PIEZO2: variants seen among roughly 807,000 people sequenced by gnomAD.
PIEZO2 encodes piezo type mechanosensitive ion channel component 2.
In PIEZO2, 172 loss-of-function variants were observed where a neutral mutation model predicts 337.3. That is an observed-to-expected ratio of 0.51 (90% CI 0.45 to 0.58). The LOEUF (loss-of-function observed/expected upper bound fraction) is 0.58, where lower values mean the gene tolerates loss of function less well. Among genes scored for constraint, PIEZO2 ranks in the 20% least tolerant of loss-of-function variants. PIEZO2 has a pLI of 0.00. For missense variants in PIEZO2, 3,028 were observed against 3,391.3 expected, an observed-to-expected ratio of 0.89 and a Z score of 2.66; for synonymous variants, 1,251 against 1,228.5, an observed-to-expected ratio of 1.02 and a Z score of -0.38.
chr18:10,735,600 A>T (rs919969256), intron 34 of PIEZO2, among the ~76,000 whole-genome samples: 16 of 152,200 alleles, frequency 1.1e-4, no homozygotes, highest in Non-Finnish European at 1.5e-5. Flanking sequence ...AACTCTTTCG[A>T]ATAAAAATAA....
In PIEZO2 at chr18:10,770,179, G is replaced by A. The variant is rs2038539750; in HGVS notation, c.2915C>T (p.Ser972Phe). The A allele has an allele frequency of 1.3e-6, 2 of 1,537,160 alleles. No homozygotes were observed. Among genetic ancestry groups the A allele is most frequent in the South Asian group, 1.2e-5 (1 of 84,038 alleles). ...ILELHIIKIV[S>F]SYIIWVSVKE... is the part of the protein sequence containing the mutation. ...CACAGAAACCCAGATAATGTAAGAG[G>A]AAACGATTTTGATGATGTGCAACTC... Residue 972 changes from serine to phenylalanine, a missense_variant, in exon 21 of 56, where the codon TCC (serine) becomes TTC (phenylalanine). This residue lies in a region of PIEZO2 where 1,925 missense variants were observed against 2,051.9 expected (regional missense o/e 0.94). Transcript: ENST00000674853.
Position 11,092,532 on chromosome 18 carries a change from C to T in PIEZO2, c.65-26310G>A, listed in dbSNP as rs2039125147. On this transcript the variant is annotated intron_variant, in intron 1 of 55. Transcript: ENST00000674853. This position sits in a 1 kb window ranked among gnomAD's most constrained non-coding sequence, Gnocchi z 4.5. ...TTTAGTCTATATTTTCTAGAATTAG[C>T]ATAAATACTTTTGAAACCAGGAAAA... 6.6e-6 allele frequency among the ~76,000 whole-genome samples: 1 copy of T among 152,156 alleles called. No homozygotes were observed. Among genetic ancestry groups the T allele is most frequent in the Admixed American group, 6.5e-5 (1 of 15,272 alleles).
chr18:10,902,227 T>C (rs541577276), intron 4 of PIEZO2, among the ~76,000 whole-genome samples: 1 of 152,336 alleles, frequency 6.6e-6, no homozygotes, highest in East Asian at 1.9e-4. Context: ...GGAAAAATTG[T>C]CTTCCACAAA....
intron 2 of PIEZO2, among the ~76,000 whole-genome samples, chr18:11,059,238 C>A (rs1177566593): frequency 2.0e-5 from 3 of 151,410 alleles, no homozygotes; most frequent in Non-Finnish European, 4.4e-5. Context: ...GCCTACCCTA[C>A]AAGAGCTCCT....
chr18:10,920,198 T>C (rs1328046514), intron 3 of PIEZO2, among the ~76,000 whole-genome samples: 1 of 152,064 alleles, frequency 6.6e-6, no homozygotes. Context: ...CACCCCACCT[T>C]CCCCTGACTT....
rs1370250476 is a variant in PIEZO2, at chr18:10,888,727, C to T, written c.330-17312G>A. Among the ~76,000 whole-genome samples, 1 of 152,078 alleles carries T rather than the reference C, an allele frequency of 6.6e-6. No individual in the cohort carries two copies. The highest frequency in any genetic ancestry group is 1.5e-5 in the Non-Finnish European group (1 of 68,036). ...TTTGCTCTGATAGTGACAAACATGGCTCCCATTATCCTTAATATATTTAGT... is the reference window on the plus strand; with the variant it reads ...TTTGCTCTGATAGTGACAAACATGGTTCCCATTATCCTTAATATATTTAGT... On this transcript the variant is annotated intron_variant, in intron 4 of 55. Transcript: ENST00000674853. The surrounding 1 kb of genome is among the most constrained non-coding windows in gnomAD (Gnocchi z 4.1).
At position 10,705,485 on chromosome 18, in the gene PIEZO2, G is replaced by A. The variant is rs773508178; in HGVS notation, c.5850C>T (p.Phe1950=). 39 of 1,537,162 alleles carry A rather than the reference G, an allele frequency of 2.5e-5. No homozygotes were observed. The highest frequency in any genetic ancestry group is 2.3e-4 in the South Asian group (19 of 84,068). Residue 1950 remains phenylalanine, a synonymous_variant, in exon 41 of 56, where the codon TTC becomes TTT. Coordinates refer to ENST00000674853, the MANE Select transcript of PIEZO2 (RefSeq NM_001378183.1). ...APPSYSKAVS[F]EHLSFGSQDD... is the part of the protein sequence containing the mutation. ...CCTGCGAGCCGAAGGACAGATGCTC[G>A]AAGCTCACAGCCTTGCTGTAGGAGG...
At chr18:10,976,872 T>C (rs1026078993) in intron 3 of PIEZO2, among the ~76,000 whole-genome samples, 3 of 152,154 alleles carry the variant, frequency 2.0e-5, no homozygotes, top group Non-Finnish European at 2.9e-5. Context: ...ACACTTGAGA[T>C]GACTACCTCC....
In PIEZO2 at chr18:10,748,458, T is replaced by C. The variant is rs895306196; in HGVS notation, c.4424+13A>G. 1.3e-6 allele frequency: 2 copies of C among 1,536,392 alleles called. No homozygotes were observed. The highest frequency in any genetic ancestry group is 2.4e-5 in the South Asian group (2 of 83,862). On this transcript the variant is annotated intron_variant, in intron 30 of 55. Transcript: ENST00000674853. This position sits in a 1 kb window ranked among gnomAD's most constrained non-coding sequence, Gnocchi z 5.1. Reference sequence around the variant, plus strand: ...TCCTGGGAGAAACCACCTGATTTCATGGCCTGACCCACCTTGATGCCAGAA... The same window carrying C: ...TCCTGGGAGAAACCACCTGATTTCACGGCCTGACCCACCTTGATGCCAGAA...
At chr18:10,687,460 C>T (rs2034596932) in intron 49 of PIEZO2, among the ~76,000 whole-genome samples, 1 of 150,860 alleles carries the variant, frequency 6.6e-6, no homozygotes, top group African/African-American at 2.4e-5. Flanking sequence ...TACTCTCATG[C>T]TTAGTAGAGT....
At position 10,833,298 on chromosome 18, in the gene PIEZO2, T is replaced by A. The variant is rs147612634; in HGVS notation, c.917+22055A>T. ...GAGATGAAACACAGTTCTGACGCACTGGGATTCACTTATTTTTCCTGTGTT... is the reference window on the plus strand; with the variant it reads ...GAGATGAAACACAGTTCTGACGCACAGGGATTCACTTATTTTTCCTGTGTT... On this transcript the variant is annotated intron_variant, in intron 7 of 55. Transcript: ENST00000674853. This position sits in a 1 kb window ranked among gnomAD's most constrained non-coding sequence, Gnocchi z 4.7. 1.3e-5 allele frequency among the ~76,000 whole-genome samples: 2 copies of A among 152,130 alleles called. No individual in the cohort carries two copies. The highest frequency in any genetic ancestry group is 4.8e-5 in the African/African-American group (2 of 41,426).
intron 4 of PIEZO2, among the ~76,000 whole-genome samples, chr18:10,875,710 A>G (rs2042252165): frequency 6.6e-6 from 1 of 152,250 alleles, no homozygotes; most frequent in Non-Finnish European, 1.5e-5. Context: ...CAACAGACAG[A>G]GCAGGAAAGC....
At chr18:10,797,835 G>A (rs1366659025) in intron 11 of PIEZO2, among the ~76,000 whole-genome samples, 1 of 152,184 alleles carries the variant, frequency 6.6e-6, no homozygotes. Context: ...CCCTCTCCTC[G>A]AGTGTGGGTG....
rs2040259777 is a variant in PIEZO2 at position 11,128,866 on chromosome 18, G to T, written c.64+19659C>A. Among the ~76,000 whole-genome samples, 1 of 152,128 alleles carries T rather than the reference G, an allele frequency of 6.6e-6. No individual in the cohort carries two copies. Among genetic ancestry groups the T allele is most frequent in the Non-Finnish European group, 1.5e-5 (1 of 68,032 alleles). ...CAATCTGGAGAACAGGCCTGGGAATGGATATTAAGGGTATGGGATAATAGT... is the reference window on the plus strand; with the variant it reads ...CAATCTGGAGAACAGGCCTGGGAATTGATATTAAGGGTATGGGATAATAGT... On this transcript the variant is annotated intron_variant, in intron 1 of 55. Coordinates refer to ENST00000674853, the MANE Select transcript of PIEZO2 (RefSeq NM_001378183.1). This position sits in a 1 kb window ranked among gnomAD's most constrained non-coding sequence, Gnocchi z 4.1.
intron 2 of PIEZO2, among the ~76,000 whole-genome samples, chr18:11,039,122 G>A (rs2037023741): frequency 6.6e-6 from 1 of 152,160 alleles, no homozygotes; most frequent in East Asian, 1.9e-4. Flanking sequence ...GGAAAGAACA[G>A]AACGAATACA....
intron 20 of PIEZO2, among the ~76,000 whole-genome samples, chr18:10,772,580 G>A (rs2038643397): frequency 6.6e-6 from 1 of 152,142 alleles, no homozygotes; most frequent in Non-Finnish European, 1.5e-5. Context: ...CCTTTGGAAG[G>A]GGTCTTCTTG....
intron 4 of PIEZO2, among the ~76,000 whole-genome samples, chr18:10,904,871 A>T (rs1041842801): frequency 6.6e-6 from 1 of 152,218 alleles, no homozygotes; most frequent in African/African-American, 2.4e-5. Context: ...ATAAATCCTA[A>T]AGCAAAGTGT....
chr18:11,085,534 A>G (rs1284831551), intron 1 of PIEZO2, among the ~76,000 whole-genome samples: 2 of 152,260 alleles, frequency 1.3e-5, no homozygotes, highest in East Asian at 3.9e-4. Context: ...CCCTTGCTAC[A>G]TCCAACCCCT....
At position 10,962,817 on chromosome 18, in the gene PIEZO2, G is replaced by T. The variant is rs926438416; in HGVS notation, c.286+16718C>A. On this transcript the variant is annotated intron_variant, in intron 3 of 55. Coordinates refer to ENST00000674853, the MANE Select transcript of PIEZO2 (RefSeq NM_001378183.1). This position sits in a 1 kb window ranked among gnomAD's most constrained non-coding sequence, Gnocchi z 4.1. ...CCTTTCCAGTGATCACATACTATGA[G>T]CCCATGCTAGCAATGTGAGGGATGA... 6.6e-6 allele frequency among the ~76,000 whole-genome samples: 1 copy of T among 152,126 alleles called. No homozygotes were observed. Among genetic ancestry groups the T allele is most frequent in the African/African-American group, 2.4e-5 (1 of 41,410 alleles).
Sources: allele counts gnomAD v4.1 joint callset (sites outside exome capture counted in the v4.1 genomes callset), GRCh38; gene constraint gnomAD v4.1.1; regional missense constraint gnomAD v4.1.1; non-coding constraint Gnocchi (gnomAD v3.1); transcripts MANE v1.5; gene names NCBI Gene and HGNC (gene_info 2026-07-23, HGNC 2026-07-21).